The following CRPPA variants were observed in gnomAD, a reference collection of about 807,000 sequenced individuals.
CRPPA encodes CDP-L-ribitol pyrophosphorylase A.
In CRPPA, 43 loss-of-function variants were observed where a neutral mutation model predicts 52.0. The observed-to-expected ratio is 0.83, with a 90% CI of 0.65 to 1.07. The LOEUF is 1.07. Ranked by LOEUF, CRPPA falls within the 50% of genes least tolerant of loss-of-function variation. The pLI, the probability that CRPPA is intolerant of heterozygous loss-of-function variation, is 0.00. For missense variants in CRPPA, 629 were observed against 551.7 expected (o/e 1.14, Z -1.40); for synonymous variants, 250 against 203.5 (o/e 1.23, Z -1.94).
chr7:16,273,509 T>C (rs1562600736), intron 6 of CRPPA, among the ~76,000 whole-genome samples: 1 of 151,690 alleles, frequency 6.6e-6, no homozygotes, highest in Non-Finnish European at 1.5e-5. Context: ...CAGCAGGGGA[T>C]AGCCAAACTC....
At chr7:16,136,337 T>C (rs1410441637) in intron 9 of CRPPA, among the ~76,000 whole-genome samples, 6 of 152,206 alleles carry the variant, frequency 3.9e-5, no homozygotes, top group Non-Finnish European at 7.4e-5. Flanking sequence ...TCATTTAATA[T>C]ACTTAATAAC....
intron 5 of CRPPA, among the ~76,000 whole-genome samples, chr7:16,298,453 G>C (rs1169679823): frequency 1.3e-5 from 2 of 152,080 alleles, no homozygotes; most frequent in African/African-American, 4.8e-5. Flanking sequence ...CTATTATATG[G>C]AAACAATAAC....
chr7:16,270,877 C>T (rs73684118), intron 6 of CRPPA, among the ~76,000 whole-genome samples: 6,245 of 152,060 alleles, frequency 0.041, 432 homozygotes, highest in African/African-American at 0.14. Context: ...ATGTTCTCTC[C>T]GCTTTTCTTT....
intron 9 of CRPPA, among the ~76,000 whole-genome samples, chr7:16,187,967 A>G (rs937942706): frequency 3.3e-5 from 5 of 152,194 alleles, no homozygotes; most frequent in African/African-American, 1.2e-4. Context: ...TCAGGCTGTA[A>G]GGTGATCTAG....
chr7:16,304,892 A>T (rs1217362542), intron 4 of CRPPA, among the ~76,000 whole-genome samples: 1 of 152,166 alleles, frequency 6.6e-6, no homozygotes, highest in Admixed American at 6.5e-5. Flanking sequence ...TTATGTCCAA[A>T]TATGTCTTTT....
intron 9 of CRPPA, among the ~76,000 whole-genome samples, chr7:16,093,903 T>G (rs967484307): frequency 6.6e-6 from 1 of 152,150 alleles, no homozygotes; most frequent in African/African-American, 2.4e-5. Context: ...ACACAGATGA[T>G]GATAATTAAG....
intron 9 of CRPPA, among the ~76,000 whole-genome samples, chr7:16,118,686 C>T (rs541848765): frequency 1.3e-5 from 2 of 152,284 alleles, no homozygotes; most frequent in East Asian, 1.9e-4. Context: ...TTAGCTGTGA[C>T]GTCTGCAGTG....
chr7:16,280,661 C>T (rs1784303082), intron 5 of CRPPA, among the ~76,000 whole-genome samples: 1 of 152,092 alleles, frequency 6.6e-6, no homozygotes, highest in African/African-American at 2.4e-5. Flanking sequence ...AACATGTGTA[C>T]AGTAATAAAA....
chr7:16,246,004 G>A (rs1243025917), intron 8 of CRPPA, among the ~76,000 whole-genome samples: 1 of 151,790 alleles, frequency 6.6e-6, no homozygotes, highest in Non-Finnish European at 1.5e-5. Flanking sequence ...CTTAAAATAA[G>A]ACAACAACAT....
At position 16,091,015 on chromosome 7, in the gene CRPPA, G is replaced by C. The variant is rs1781826222; in HGVS notation, c.*680C>G. 6.6e-6 allele frequency: 1 copy of C among 152,190 alleles called. No individual in the cohort carries two copies. The highest frequency in any genetic ancestry group is 6.5e-5 in the Admixed American group (1 of 15,294). The allele number at this position is 152,190 out of a possible 1,614,324, so 9.4% of individuals were successfully genotyped here. A position where few individuals can be genotyped will look rare whatever the true frequency, so the allele number is the denominator to read the frequency against. On this transcript the variant is annotated 3_prime_UTR_variant, in exon 10 of 10. Coordinates refer to ENST00000407010, the MANE Select transcript of CRPPA (RefSeq NM_001101426.4). ...TTCCAGACACTTTTAAGTTCATTCA[G>C]AAAAACTAGAGACCCTTTAAAATAA...
rs185583065 is a variant in CRPPA, at chr7:16,211,110, T to C, written c.1251+4956A>G. 3.7e-3 allele frequency among the ~76,000 whole-genome samples: 558 copies of C among 152,308 alleles called. 1 individual carries two copies. The highest frequency in any genetic ancestry group is 5.8e-3 in the Non-Finnish European group (393 of 68,010). On this transcript the variant is annotated intron_variant, in intron 9 of 9. Transcript: ENST00000407010. ...ACCCTGAAAATACGTGCATTTTGTA[T>C]TGACAAAAAAATCTGTAGCAGAAGG...
intron 8 of CRPPA, among the ~76,000 whole-genome samples, chr7:16,246,224 A>G (rs78649422): frequency 1.3e-5 from 2 of 152,192 alleles, no homozygotes; most frequent in African/African-American, 2.4e-5. Flanking sequence ...CTTCACCCGA[A>G]GTAGATTCCA....
chr7:16,405,822 C>A (rs964078551), intron 2 of CRPPA, among the ~76,000 whole-genome samples: 3 of 152,164 alleles, frequency 2.0e-5, no homozygotes, highest in Non-Finnish European at 4.4e-5. Context: ...ACTGTAATAA[C>A]ATTAATACAT....
intron 2 of CRPPA, among the ~76,000 whole-genome samples, chr7:16,384,543 G>A (rs1787203321): frequency 1.3e-5 from 2 of 152,332 alleles, no homozygotes; most frequent in East Asian, 1.9e-4. Context: ...CACACAATGA[G>A]TGTAGCTTAA....
intron 3 of CRPPA, among the ~76,000 whole-genome samples, chr7:16,321,876 A>G (rs1239970916): frequency 6.6e-6 from 1 of 152,164 alleles, no homozygotes; most frequent in Non-Finnish European, 1.5e-5. Flanking sequence ...CAGGCAATAT[A>G]CTAAGTCCTG....
At chr7:16,143,795 C>A (rs550428293) in intron 9 of CRPPA, among the ~76,000 whole-genome samples, 1 of 152,236 alleles carries the variant, frequency 6.6e-6, no homozygotes, top group South Asian at 2.1e-4. Context: ...GGGGTACCAT[C>A]TGGAAAAGTA....
chr7:16,198,927 C>A (rs1383613989), intron 9 of CRPPA, among the ~76,000 whole-genome samples: 1 of 152,140 alleles, frequency 6.6e-6, no homozygotes, highest in African/African-American at 2.4e-5. Flanking sequence ...CAAATCTCTG[C>A]ACTAGAGGCA....
intron 9 of CRPPA, among the ~76,000 whole-genome samples, chr7:16,151,318 A>G (rs923485911): frequency 6.6e-6 from 1 of 152,204 alleles, no homozygotes; most frequent in African/African-American, 2.4e-5. Flanking sequence ...TCATCAATTT[A>G]GCAAAATCTA....
intron 9 of CRPPA, among the ~76,000 whole-genome samples, chr7:16,133,010 AGTCAGG>A (rs1782706072): frequency 8.1e-6 from 1 of 123,050 alleles, no homozygotes; most frequent in Non-Finnish European, 1.8e-5. Flanking sequence ...TACAAAAATT[AGTCAGG>A]CATAGTGGCC....
Sources: allele counts gnomAD v4.1 joint callset (sites outside exome capture counted in the v4.1 genomes callset), GRCh38; gene constraint gnomAD v4.1.1; transcripts MANE v1.5; gene names NCBI Gene and HGNC (gene_info 2026-07-23, HGNC 2026-07-21).